LMNTD1: variants seen among roughly 807,000 people sequenced by gnomAD.
The protein encoded by LMNTD1 is lamin tail domain-containing protein 1.
In LMNTD1, 35 loss-of-function variants were observed where a neutral mutation model predicts 50.9. The ratio of observed to expected loss-of-function variants is 0.69; its 90% CI spans 0.53 to 0.91. The LOEUF (loss-of-function observed/expected upper bound fraction) is 0.91. Ranked by LOEUF, LMNTD1 falls within the 40% of genes least tolerant of loss-of-function variation. The pLI is 0.00. For missense variants in LMNTD1, 470 were observed against 475.5 expected, an observed-to-expected ratio of 0.99 and a Z score of 0.11; for synonymous variants, 153 against 161.9, an observed-to-expected ratio of 0.94 and a Z score of 0.42.
chr12:25,486,357 G>C (rs1336494453), intron 9 of LMNTD1, among the ~76,000 whole-genome samples: 1 of 151,994 alleles, frequency 6.6e-6, no homozygotes, highest in Non-Finnish European at 1.5e-5. Context: ...CATTGATTTT[G>C]TATCCTGAGA....
chr12:25,541,888 A>G, intron 4 of LMNTD1, among the ~76,000 whole-genome samples: 1 of 150,764 alleles, frequency 6.6e-6, no homozygotes, highest in Admixed American at 6.6e-5. Context: ...AAAAACAAAC[A>G]ACCCCATCAA....
At chr12:25,622,243 A>C (rs1267925524) in intron 1 of LMNTD1, among the ~76,000 whole-genome samples, 1 of 152,098 alleles carries the variant, frequency 6.6e-6, no homozygotes, top group Non-Finnish European at 1.5e-5. Context: ...TGTATGATAA[A>C]AACACTCAAT....
Position 25,553,185 on chromosome 12 carries a change from T to G in LMNTD1, c.-147A>C. On this transcript the variant is annotated 5_prime_UTR_variant, in exon 1 of 10. Transcript: ENST00000458174. ...AGTACCAACATAGCCAATCCTGATC[T>G]TGGCTAAGGATGTCGGACAAACCAT... The G allele has an allele frequency of 6.3e-7, 1 of 1,594,350 alleles. No homozygotes were observed. The highest frequency in any genetic ancestry group is 8.5e-7 in the Non-Finnish European group (1 of 1,172,432).
At chr12:25,517,162 GA>G (rs1277375147) in intron 8 of LMNTD1, among the ~76,000 whole-genome samples, 2 of 58,610 alleles carry the variant, frequency 3.4e-5, no homozygotes, top group African/African-American at 8.4e-5. Context: ...ATTCCTCAGG[GA>G]TCTAGAACTA....
At chr12:25,515,801 G>A (rs1490006109) in intron 8 of LMNTD1, among the ~76,000 whole-genome samples, 1 of 152,000 alleles carries the variant, frequency 6.6e-6, no homozygotes. Context: ...TTAAAACAAG[G>A]CAACCATTTT....
chr12:25,594,022 A>G (rs111312593), intron 1 of LMNTD1, among the ~76,000 whole-genome samples: 5 of 152,176 alleles, frequency 3.3e-5, no homozygotes, highest in African/African-American at 1.2e-4. Context: ...AAAGACAAAG[A>G]AAAAAGAATA....
intron 1 of LMNTD1, among the ~76,000 whole-genome samples, chr12:25,601,381 A>G (rs1322968098): frequency 6.6e-6 from 1 of 151,804 alleles, no homozygotes; most frequent in Non-Finnish European, 1.5e-5. Context: ...AAGAATGAAT[A>G]AGACCTAGTA....
intron 1 of LMNTD1, among the ~76,000 whole-genome samples, chr12:25,605,428 C>A (rs1465282927): frequency 2.0e-5 from 3 of 152,132 alleles, no homozygotes; most frequent in Non-Finnish European, 4.4e-5. Flanking sequence ...ATGCCTATGT[C>A]CTGAATGGTA....
intron 1 of LMNTD1, among the ~76,000 whole-genome samples, chr12:25,642,487 G>A (rs1946976092): frequency 6.6e-6 from 1 of 152,156 alleles, no homozygotes. Context: ...GGACTTCCCA[G>A]CTTCCAGAAC....
chr12:25,557,659 T>G (rs1054227535), upstream of LMNTD1, among the ~76,000 whole-genome samples: 1 of 152,222 alleles, frequency 6.6e-6, no homozygotes, highest in Admixed American at 6.5e-5. Flanking sequence ...ATATTCTGTA[T>G]AGTAATTTTT....
intron 1 of LMNTD1, among the ~76,000 whole-genome samples, chr12:25,595,968 T>C (rs1050916288): frequency 2.0e-5 from 3 of 152,012 alleles, no homozygotes; most frequent in African/African-American, 7.2e-5. Flanking sequence ...TATCTTTACA[T>C]GCATAAACCT....
intron 1 of LMNTD1, among the ~76,000 whole-genome samples, chr12:25,642,641 C>T (rs979241580): frequency 2.0e-5 from 3 of 152,224 alleles, no homozygotes; most frequent in African/African-American, 7.2e-5. Flanking sequence ...TAGCTTTATT[C>T]TCCAAATATA....
intron 4 of LMNTD1, among the ~76,000 whole-genome samples, chr12:25,528,795 C>G (rs888083883): frequency 6.6e-6 from 1 of 152,102 alleles, no homozygotes; most frequent in Admixed American, 6.6e-5. Context: ...ACTCAGTACC[C>G]TCATTGTCCT....
intron 4 of LMNTD1, among the ~76,000 whole-genome samples, chr12:25,536,881 G>A (rs952744928): frequency 1.3e-5 from 2 of 152,234 alleles, no homozygotes; most frequent in Admixed American, 6.5e-5. Context: ...CACCGTGCGC[G>A]AGCCGAAGCA....
intron 1 of LMNTD1, among the ~76,000 whole-genome samples, chr12:25,633,433 G>C (rs540358983): frequency 6.6e-6 from 1 of 152,008 alleles, no homozygotes; most frequent in Non-Finnish European, 1.5e-5. Flanking sequence ...GGCCATAAAA[G>C]GAGCCTCAAT....
intron 1 of LMNTD1, among the ~76,000 whole-genome samples, chr12:25,633,132 C>T (rs942856364): frequency 5.9e-5 from 9 of 151,812 alleles, no homozygotes; most frequent in African/African-American, 2.2e-4. Flanking sequence ...ATATCACGAT[C>T]CTAAACATAT....
chr12:25,512,069 A>G (rs1940341639), intron 8 of LMNTD1, among the ~76,000 whole-genome samples: 1 of 152,236 alleles, frequency 6.6e-6, no homozygotes, highest in Admixed American at 6.5e-5. Flanking sequence ...TCTATTGGTT[A>G]TGAAATAAAT....
chr12:25,616,812 A>G (rs1281399012), intron 1 of LMNTD1, among the ~76,000 whole-genome samples: 1 of 152,184 alleles, frequency 6.6e-6, no homozygotes, highest in South Asian at 2.1e-4. Context: ...CAGAAAACAG[A>G]GTTCTGTTTC....
At chr12:25,527,667 TATATATATATATATAC>T (rs1245346431) in intron 4 of LMNTD1, among the ~76,000 whole-genome samples, 9 of 23,110 alleles carry the variant, frequency 3.9e-4, no homozygotes, top group East Asian at 7.4e-3. Context: ...TATATATATA[TATATATATATATATAC>T]ACACACACAC....
Sources: allele counts gnomAD v4.1 joint callset (sites outside exome capture counted in the v4.1 genomes callset), GRCh38; gene constraint gnomAD v4.1.1; transcripts MANE v1.5; gene names NCBI Gene and HGNC (gene_info 2026-07-23, HGNC 2026-07-21).